The following BCL2L2 variants were observed in gnomAD, a reference collection of about 807,000 sequenced individuals.
The protein encoded by BCL2L2 is BCL2 like 2, also known as bcl-2-like protein 2.
BCL2L2 carries 6 observed loss-of-function variants against 14.6 expected under a neutral mutation model. The ratio of observed to expected loss-of-function variants is 0.41; its 90% CI spans 0.22 to 0.81. The LOEUF is 0.81. BCL2L2 is among the 30% of genes least tolerant of loss of function. BCL2L2 has a pLI of 0.32. For synonymous variants in BCL2L2, 90 were observed against 108.5 expected, an observed-to-expected ratio of 0.83 and a Z score of 1.06; for missense variants, 191 against 260.5, an observed-to-expected ratio of 0.73 and a Z score of 1.84.
In BCL2L2 at chr14:23,309,919, A is replaced by T; in HGVS notation, c.*954A>T. The T allele has an allele frequency of 1.0e-6, 1 of 985,376 alleles. No homozygotes were observed. Among genetic ancestry groups the T allele is most frequent in the South Asian group, 4.7e-5 (1 of 21,288 alleles). 61.0% of individuals were successfully genotyped at this position (985,376 alleles called of 1,614,324 possible). On this transcript the variant is annotated 3_prime_UTR_variant, in exon 4 of 4. Transcript: ENST00000250405. Reference sequence around the variant, plus strand: ...ACTGAAACTCTAAATTGGGGCCCTAACTAATTTTCCTTTTGAGGTTGTGGG... The same window carrying T: ...ACTGAAACTCTAAATTGGGGCCCTATCTAATTTTCCTTTTGAGGTTGTGGG...
Position 23,309,294 on chromosome 14 carries a change from A to G in BCL2L2, c.*329A>G. On this transcript the variant is annotated 3_prime_UTR_variant, in exon 4 of 4. Coordinates refer to ENST00000250405, the MANE Select transcript of BCL2L2 (RefSeq NM_004050.5). ...TGCTTCACAGCCCTGAGGAAGGTGG[A>G]CTTACATAAGCAGCTGTATTCCATT... 1 of 1,117,954 alleles carries G rather than the reference A, an allele frequency of 8.9e-7. No homozygotes were observed. The allele number at this position is 1,117,954 out of a possible 1,614,324, so 69.3% of individuals were successfully genotyped here. A position where few individuals can be genotyped will look rare whatever the true frequency, so the allele number is the denominator to read the frequency against.
rs1474090015 is a variant in BCL2L2 at position 23,307,297 on chromosome 14, TTC to T, written c.-9+22_-9+23del. ...CCGGCTGGGTGAGTGTCTCCTTCCT[TTC>T]TCTGTCTGGAGTAACCCATTGCGTC... On this transcript the variant is annotated intron_variant, in intron 2 of 3. Transcript: ENST00000250405. 2 of 152,892 alleles carry T rather than the reference TTC, an allele frequency of 1.3e-5. No homozygotes were observed. The highest frequency in any genetic ancestry group is 2.9e-5 in the Non-Finnish European group (2 of 68,540). The allele number at this position is 152,892 out of a possible 1,614,324, so 9.5% of individuals were successfully genotyped here. A position where few individuals can be genotyped will look rare whatever the true frequency, so the allele number is the denominator to read the frequency against.
chr14:23,309,488 G>T lies in BCL2L2; in HGVS notation c.*523G>T. 3.1e-6 allele frequency: 3 copies of T among 982,494 alleles called. No homozygotes were observed. Among genetic ancestry groups the T allele is most frequent in the Non-Finnish European group, 3.6e-6 (3 of 826,922 alleles). The allele number at this position is 982,494 out of a possible 1,614,324, so 60.9% of individuals were successfully genotyped here. Reference sequence around the variant, plus strand: ...TGGGCTGCCTGGCAAATCTGGTGGTGATGGGATTCCTCAAGGAGAAAACAT... The same window carrying T: ...TGGGCTGCCTGGCAAATCTGGTGGTTATGGGATTCCTCAAGGAGAAAACAT... On this transcript the variant is annotated 3_prime_UTR_variant, in exon 4 of 4. Transcript: ENST00000250405.
Position 23,307,294 on chromosome 14 carries a change from C to T in BCL2L2, c.-9+15C>T, listed in dbSNP as rs1368976929. ...ATCCCGGCTGGGTGAGTGTCTCCTTCCTTTCTCTGTCTGGAGTAACCCATT... is the reference window on the plus strand; with the variant it reads ...ATCCCGGCTGGGTGAGTGTCTCCTTTCTTTCTCTGTCTGGAGTAACCCATT... On this transcript the variant is annotated intron_variant, in intron 2 of 3. Transcript: ENST00000250405. The T allele has an allele frequency of 6.5e-6, 1 of 152,884 alleles. No homozygotes were observed. Among genetic ancestry groups the T allele is most frequent in the Non-Finnish European group, 1.5e-5 (1 of 68,532 alleles). The allele number at this position is 152,884 out of a possible 1,614,324, so 9.5% of individuals were successfully genotyped here.
chr14:23,310,934 C>T lies in BCL2L2; in HGVS notation c.*1969C>T. 1 of 1,289,598 alleles carries T rather than the reference C, an allele frequency of 7.8e-7. No individual in the cohort carries two copies. The highest frequency in any genetic ancestry group is 1.0e-6 in the Non-Finnish European group (1 of 988,694). 79.9% of individuals were successfully genotyped at this position (1,289,598 alleles called of 1,614,324 possible). A position where few individuals can be genotyped will look rare whatever the true frequency, so the allele number is the denominator to read the frequency against. On this transcript the variant is annotated 3_prime_UTR_variant, in exon 4 of 4. Coordinates refer to ENST00000250405, the MANE Select transcript of BCL2L2 (RefSeq NM_004050.5). ...AAAAGTTGGAAAACCACTGACTAGA[C>T]CATCGGCTCCAAATTGGAGTCTGTG... is the stretch of plus-strand genomic sequence containing the variant.
In BCL2L2 at chr14:23,311,655, T is replaced by C. The variant is rs1887623204; in HGVS notation, c.*2690T>C. ...TCTATATTCCTGTATTTTTATTTAA[T>C]AATTTATAAATACCAAGTTCATTTG... On this transcript the variant is annotated 3_prime_UTR_variant, in exon 4 of 4. Transcript: ENST00000250405. 1.1e-6 allele frequency: 1 copy of C among 922,880 alleles called. No homozygotes were observed. 57.2% of individuals were successfully genotyped at this position (922,880 alleles called of 1,614,324 possible).
In BCL2L2 at chr14:23,309,411, A is replaced by T; in HGVS notation, c.*446A>T. On this transcript the variant is annotated 3_prime_UTR_variant, in exon 4 of 4. Coordinates refer to ENST00000250405, the MANE Select transcript of BCL2L2 (RefSeq NM_004050.5). ...GTGATAGGGAGAGGTGGCTGTTAACAGTGGGCTGCTTGGACACGCGTGTGC... is the reference window on the plus strand; with the variant it reads ...GTGATAGGGAGAGGTGGCTGTTAACTGTGGGCTGCTTGGACACGCGTGTGC... 1 of 993,136 alleles carries T rather than the reference A, an allele frequency of 1.0e-6. No homozygotes were observed. Among genetic ancestry groups the T allele is most frequent in the Non-Finnish European group, 1.2e-6 (1 of 835,212 alleles). 61.5% of individuals were successfully genotyped at this position (993,136 alleles called of 1,614,324 possible).
Position 23,311,331 on chromosome 14 carries a change from G to A in BCL2L2, c.*2366G>A, listed in dbSNP as rs1887602582. On this transcript the variant is annotated 3_prime_UTR_variant, in exon 4 of 4. Transcript: ENST00000250405. ...CTCTTGGCCAAGAAGGCTGAGTATG[G>A]TTCCCAATTTTTAAATCCATTTCAT... is the stretch of plus-strand genomic sequence containing the variant. 1 of 1,082,840 alleles carries A rather than the reference G, an allele frequency of 9.2e-7. No homozygotes were observed. The highest frequency in any genetic ancestry group is 1.1e-6 in the Non-Finnish European group (1 of 888,758). The allele number at this position is 1,082,840 out of a possible 1,614,324, so 67.1% of individuals were successfully genotyped here. A position where few individuals can be genotyped will look rare whatever the true frequency, so the allele number is the denominator to read the frequency against.
chr14:23,310,682 G>T lies in BCL2L2; in HGVS notation c.*1717G>T. 1 of 1,142,180 alleles carries T rather than the reference G, an allele frequency of 8.8e-7. No homozygotes were observed. Among genetic ancestry groups the T allele is most frequent in the South Asian group, 1.8e-5 (1 of 55,106 alleles). The allele number at this position is 1,142,180 out of a possible 1,614,324, so 70.8% of individuals were successfully genotyped here. On this transcript the variant is annotated 3_prime_UTR_variant, in exon 4 of 4. Coordinates refer to ENST00000250405, the MANE Select transcript of BCL2L2 (RefSeq NM_004050.5). The stretch of plus-strand genomic sequence containing the variant: ...CTTGTGGCAAGCAGTTGGGGTGGGG[G>T]GTCTCTGACTTGCTCAGGACAAACT...
chr14:23,309,145 G>A lies in BCL2L2; in HGVS notation c.*180G>A, dbSNP rs527675437. Reference sequence around the variant, plus strand: ...AGGTAGGCGATTGGAAGAGTGAGCAGGACACAGAGGGGAGGGGAATGTTTT... The same window carrying A: ...AGGTAGGCGATTGGAAGAGTGAGCAAGACACAGAGGGGAGGGGAATGTTTT... On this transcript the variant is annotated 3_prime_UTR_variant, in exon 4 of 4. Transcript: ENST00000250405. 1 of 1,239,710 alleles carries A rather than the reference G, an allele frequency of 8.1e-7. No homozygotes were observed. Among genetic ancestry groups the A allele is most frequent in the East Asian group, 3.2e-5 (1 of 31,562 alleles). The allele number at this position is 1,239,710 out of a possible 1,614,324, so 76.8% of individuals were successfully genotyped here. A position where few individuals can be genotyped will look rare whatever the true frequency, so the allele number is the denominator to read the frequency against.
Position 23,308,829 on chromosome 14 carries a change from C to G in BCL2L2, c.446C>G (p.Ala149Gly). The G allele has an allele frequency of 2.3e-6, 3 of 1,323,380 alleles. No individual in the cohort carries two copies. Among genetic ancestry groups the G allele is most frequent in the Non-Finnish European group, 2.9e-6 (3 of 1,028,870 alleles). The allele number at this position is 1,323,380 out of a possible 1,614,324, so 82.0% of individuals were successfully genotyped here. ...HSSGGWAEFTALYGDGALEEA... is the reference protein window; with the variant it reads ...HSSGGWAEFTGLYGDGALEEA... ...TCTCTCCCACAGGCGGAGTTCACAG[C>G]TCTATACGGGGACGGGGCCCTGGAG... Residue 149 changes from alanine to glycine, a missense_variant, in exon 4 of 4, where the codon GCT becomes GGT. Ala to Gly is a moderately conservative substitution (Grantham distance 60). Coordinates refer to ENST00000250405, the MANE Select transcript of BCL2L2 (RefSeq NM_004050.5). The surrounding 1 kb of genome is among the most constrained non-coding windows in gnomAD (Gnocchi z 5.4).
rs890980643 is a variant in BCL2L2, at chr14:23,310,115, A to G, written c.*1150A>G. On this transcript the variant is annotated 3_prime_UTR_variant, in exon 4 of 4. Coordinates refer to ENST00000250405, the MANE Select transcript of BCL2L2 (RefSeq NM_004050.5). ...CTTTGGTTCGGCTTTATCAGGGGCCAGGCATATGGGTTCTAGAGTACCTAC... is the reference window on the plus strand; with the variant it reads ...CTTTGGTTCGGCTTTATCAGGGGCCGGGCATATGGGTTCTAGAGTACCTAC... The G allele has an allele frequency of 3.0e-6, 3 of 985,410 alleles. No individual in the cohort carries two copies. The African/African-American group carries it at 5.2e-5, about 17-fold the overall frequency. The allele number at this position is 985,410 out of a possible 1,614,324, so 61.0% of individuals were successfully genotyped here. A position where few individuals can be genotyped will look rare whatever the true frequency, so the allele number is the denominator to read the frequency against.
Position 23,309,194 on chromosome 14 carries a change from T to G in BCL2L2, c.*229T>G. On this transcript the variant is annotated 3_prime_UTR_variant, in exon 4 of 4. Coordinates refer to ENST00000250405, the MANE Select transcript of BCL2L2 (RefSeq NM_004050.5). Reference sequence around the variant, plus strand: ...TTGGCAAGTTTAGGGGCACAGGAGATGTAGTCGTTCCAGGGCTGGGGGAGG... The same window carrying G: ...TTGGCAAGTTTAGGGGCACAGGAGAGGTAGTCGTTCCAGGGCTGGGGGAGG... The G allele has an allele frequency of 4.4e-6, 5 of 1,124,210 alleles. No homozygotes were observed. The highest frequency in any genetic ancestry group is 4.3e-6 in the Non-Finnish European group (4 of 922,188). The allele number at this position is 1,124,210 out of a possible 1,614,324, so 69.6% of individuals were successfully genotyped here.
Position 23,310,306 on chromosome 14 carries a change from G to A in BCL2L2, c.*1341G>A, listed in dbSNP as rs1054652667. 1 of 986,472 alleles carries A rather than the reference G, an allele frequency of 1.0e-6. No homozygotes were observed. The highest frequency in any genetic ancestry group is 1.2e-6 in the Non-Finnish European group (1 of 830,412). The allele number at this position is 986,472 out of a possible 1,614,324, so 61.1% of individuals were successfully genotyped here. On this transcript the variant is annotated 3_prime_UTR_variant, in exon 4 of 4. Transcript: ENST00000250405. ...GAGGAAGAAATTATTCACTCCAGAT[G>A]CATGCCCTGAGCCAGACCTCACTGC...
In BCL2L2 at chr14:23,310,908, A is replaced by G. The variant is rs758104312; in HGVS notation, c.*1943A>G. 3.9e-6 allele frequency: 5 copies of G among 1,289,156 alleles called. No homozygotes were observed. Among genetic ancestry groups the G allele is most frequent in the Non-Finnish European group, 5.1e-6 (5 of 988,494 alleles). 79.9% of individuals were successfully genotyped at this position (1,289,156 alleles called of 1,614,324 possible). On this transcript the variant is annotated 3_prime_UTR_variant, in exon 4 of 4. Coordinates refer to ENST00000250405, the MANE Select transcript of BCL2L2 (RefSeq NM_004050.5). ...TTGCATTAAGGGGTTTGCTGCTGAA[A>G]AAAAGTTGGAAAACCACTGACTAGA... is the stretch of plus-strand genomic sequence containing the variant.
In BCL2L2 at chr14:23,310,548, C is replaced by CT; in HGVS notation, c.*1587dup. ...CTCAGGTGTTGAGTCCAGACTTCTGCTTTTGAGAGAGGGCTGCACTTTTTC... is the reference window on the plus strand; with the variant it reads ...CTCAGGTGTTGAGTCCAGACTTCTGCTTTTTGAGAGAGGGCTGCACTTTTTC... On this transcript the variant is annotated 3_prime_UTR_variant, in exon 4 of 4. Transcript: ENST00000250405. 9.4e-7 allele frequency: 1 copy of CT among 1,061,626 alleles called. No homozygotes were observed. The highest frequency in any genetic ancestry group is 1.1e-6 in the Non-Finnish European group (1 of 876,232). 65.8% of individuals were successfully genotyped at this position (1,061,626 alleles called of 1,614,324 possible).
intron 2 of BCL2L2, 43 bp from the exon 3 acceptor site, chr14:23,307,717 T>C: frequency 6.6e-7 from 1 of 1,511,960 alleles, no homozygotes; most frequent in East Asian, 2.3e-5. Context: ...TCTGATTCTC[T>C]CTTCATATAT....
chr14:23,309,384 AG>A lies in BCL2L2; in HGVS notation c.*421del. 3 of 1,000,068 alleles carry A rather than the reference AG, an allele frequency of 3.0e-6. No individual in the cohort carries two copies. The highest frequency in any genetic ancestry group is 1.2e-6 in the Non-Finnish European group (1 of 839,920). 61.9% of individuals were successfully genotyped at this position (1,000,068 alleles called of 1,614,324 possible). A position where few individuals can be genotyped will look rare whatever the true frequency, so the allele number is the denominator to read the frequency against. ...TTGGAATGGAAGCTTAGGGGTTCTC[AG>A]GTGATAGGGAGAGGTGGCTGTTAAC... On this transcript the variant is annotated 3_prime_UTR_variant, in exon 4 of 4. Coordinates refer to ENST00000250405, the MANE Select transcript of BCL2L2 (RefSeq NM_004050.5).
At position 23,309,661 on chromosome 14, in the gene BCL2L2, T is replaced by A. The variant is rs1033235171; in HGVS notation, c.*696T>A. On this transcript the variant is annotated 3_prime_UTR_variant, in exon 4 of 4. Coordinates refer to ENST00000250405, the MANE Select transcript of BCL2L2 (RefSeq NM_004050.5). Reference sequence around the variant, plus strand: ...TCTGCTGCTTCTTTCCAGAAAGTGATTGGCAAGGCTTTGGAGAGAAGAGCA... The same window carrying A: ...TCTGCTGCTTCTTTCCAGAAAGTGAATGGCAAGGCTTTGGAGAGAAGAGCA... 1 of 985,530 alleles carries A rather than the reference T, an allele frequency of 1.0e-6. No individual in the cohort carries two copies. Among genetic ancestry groups the A allele is most frequent in the Admixed American group, 6.1e-5 (1 of 16,280 alleles). 61.0% of individuals were successfully genotyped at this position (985,530 alleles called of 1,614,324 possible).
Sources: allele counts gnomAD v4.1 joint callset, GRCh38; gene constraint gnomAD v4.1.1; non-coding constraint Gnocchi (gnomAD v3.1); transcripts MANE v1.5; gene names NCBI Gene and HGNC (gene_info 2026-07-23, HGNC 2026-07-21).